The following SYT14 variants were observed in gnomAD, a reference collection of about 807,000 sequenced individuals.
SYT14 encodes the protein synaptotagmin 14.
Under a neutral mutation model 74.2 loss-of-function variants are expected in SYT14, and 32 were observed. That is an observed-to-expected ratio of 0.43 (90% confidence interval 0.33 to 0.58). The LOEUF (loss-of-function observed/expected upper bound fraction) is 0.58. SYT14 is among the 20% of genes least tolerant of loss of function. SYT14 has a pLI of 0.05. For missense variants in SYT14, 791 were observed against 981.8 expected (o/e 0.81, Z 2.60); for synonymous variants, 298 against 337.7 (o/e 0.88, Z 1.29).
At chr1:210,061,286 G>T (rs1032327807) in intron 5 of SYT14, among the ~76,000 whole-genome samples, 1 of 151,898 alleles carries the variant, frequency 6.6e-6, no homozygotes, top group Non-Finnish European at 1.5e-5. Context: ...AATGATGTTC[G>T]TATCTGGAGG....
At chr1:209,997,628 G>T (rs1474968850) in intron 2 of SYT14, among the ~76,000 whole-genome samples, 1 of 151,916 alleles carries the variant, frequency 6.6e-6, no homozygotes, top group African/African-American at 2.4e-5. Flanking sequence ...TCTAAATTTC[G>T]TATGGAACGT....
intron 7 of SYT14, among the ~76,000 whole-genome samples, chr1:210,141,551 G>A (rs1358323254): frequency 1.3e-5 from 2 of 152,178 alleles, no homozygotes; most frequent in African/African-American, 2.4e-5. Flanking sequence ...TAGACTAGTC[G>A]CCCCCATAGT....
chr1:210,023,342 A>T (rs910700269), intron 5 of SYT14, among the ~76,000 whole-genome samples: 7 of 152,092 alleles, frequency 4.6e-5, no homozygotes, highest in African/African-American at 1.2e-4. Context: ...AGAGGAAATT[A>T]AAAAAAGACA....
chr1:209,999,926 A>G (rs1257219823), intron 2 of SYT14, among the ~76,000 whole-genome samples: 4 of 152,210 alleles, frequency 2.6e-5, no homozygotes, highest in African/African-American at 7.2e-5. Context: ...GCACATGGAA[A>G]TGATAAATAC....
intron 8 of SYT14, among the ~76,000 whole-genome samples, chr1:210,156,673 G>C: frequency 7.1e-6 from 1 of 140,374 alleles, no homozygotes; most frequent in African/African-American, 2.6e-5. Context: ...AACTGGGAAA[G>C]TGGCAGCTTC....
chr1:210,036,369 A>G (rs887161998), intron 5 of SYT14, among the ~76,000 whole-genome samples: 2 of 152,014 alleles, frequency 1.3e-5, no homozygotes, highest in African/African-American at 4.8e-5. Flanking sequence ...AGATTATATC[A>G]TCAGCAAATG....
intron 5 of SYT14, among the ~76,000 whole-genome samples, chr1:210,041,600 C>T (rs528327763): frequency 6.6e-6 from 1 of 152,132 alleles, no homozygotes; most frequent in Non-Finnish European, 1.5e-5. Context: ...TAGAACAATT[C>T]GTATACTATA....
At chr1:210,014,015 A>G (rs1192048350) in intron 3 of SYT14, among the ~76,000 whole-genome samples, 1 of 152,156 alleles carries the variant, frequency 6.6e-6, no homozygotes, top group Non-Finnish European at 1.5e-5. Flanking sequence ...CTATGACAAA[A>G]TGACATTTTA....
chr1:210,104,622 T>TC (rs1206390042), intron 7 of SYT14, among the ~76,000 whole-genome samples: 2 of 152,226 alleles, frequency 1.3e-5, no homozygotes, highest in Non-Finnish European at 2.9e-5. Flanking sequence ...ACTATATTAC[T>TC]CTCTAACAGT....
At chr1:209,943,856 A>G (rs1369351219) in intron 1 of SYT14, among the ~76,000 whole-genome samples, 1 of 152,214 alleles carries the variant, frequency 6.6e-6, no homozygotes, top group African/African-American at 2.4e-5. Flanking sequence ...GAGTAAAATG[A>G]TTATATGCAT....
At chr1:210,091,331 A>G (rs912830054) in intron 5 of SYT14, among the ~76,000 whole-genome samples, 5 of 152,226 alleles carry the variant, frequency 3.3e-5, no homozygotes, top group Non-Finnish European at 7.3e-5. Context: ...TATCAAAAGG[A>G]ACCTCAGAAA....
At chr1:210,165,623 G>C (rs907589083) in exon 10 of SYT14, 12 of 152,172 alleles carry the variant, frequency 7.9e-5, no homozygotes, top group Non-Finnish European at 1.5e-4. Context: ...GTCTTCCTCT[G>C]TCCTCTCATT....
rs1404742763 is a variant in SYT14, at chr1:210,000,610, C to CTTTTTTT, written c.-485-13021_-485-13020insTTTTTTT. ...TACTTTCATTAGGGCTGTTTTATGC[C>CTTTTTTT]TTCTTTTTTTTTTTTTTTTTTTGAG... On this transcript the variant is annotated intron_variant, in intron 2 of 9. Transcript: ENST00000637265. Among the ~76,000 whole-genome samples the CTTTTTTT allele has an allele frequency of 4.3e-5, 5 of 115,564 alleles. 1 individual carries two copies. In the East Asian group the frequency reaches 1.1e-3, roughly 26 times the overall value. The allele number at this position is 115,564 out of a possible 152,430, so 75.8% of individuals were successfully genotyped here.
chr1:210,141,135 C>G (rs1170953064), intron 7 of SYT14, among the ~76,000 whole-genome samples: 4 of 150,180 alleles, frequency 2.7e-5, no homozygotes, highest in African/African-American at 9.8e-5. Context: ...ACATTACTGT[C>G]TTAACAATTT....
intron 7 of SYT14, among the ~76,000 whole-genome samples, chr1:210,135,693 A>G (rs1281257055): frequency 6.6e-6 from 1 of 152,086 alleles, no homozygotes; most frequent in Non-Finnish European, 1.5e-5. Context: ...TGGGTGCTAA[A>G]TTATTTTGTT....
At chr1:210,170,910 T>A (rs1484826657) in exon 10 of SYT14, 1 of 152,196 alleles carries the variant, frequency 6.6e-6, no homozygotes, top group Non-Finnish European at 1.5e-5. Context: ...TGCAAACATT[T>A]AAAAATATTC....
At chr1:210,124,275 AAT>A (rs1257447052) in intron 7 of SYT14, among the ~76,000 whole-genome samples, 1 of 152,152 alleles carries the variant, frequency 6.6e-6, no homozygotes, top group African/African-American at 2.4e-5. Context: ...AACTCCAGGA[AAT>A]ATAAAAGGAA....
At position 210,089,773 on chromosome 1, in the gene SYT14, T is replaced by C. The variant is rs1029738525; in HGVS notation, c.1313-4549T>C. 2.6e-5 allele frequency among the ~76,000 whole-genome samples: 4 copies of C among 152,318 alleles called. No individual in the cohort carries two copies. The East Asian group carries it at 5.8e-4, about 22-fold the overall frequency. ...ATGAGTCGTCCAGATTCTTGGTGTT[T>C]TGAACAAAGAATTGGACAAAATGCA... On this transcript the variant is annotated intron_variant, in intron 5 of 9. Transcript: ENST00000637265.
chr1:210,158,094 G>C lies in SYT14; in HGVS notation c.2225-1327G>C, dbSNP rs547829992. Reference sequence around the variant, plus strand: ...TGTGAGACTCAAATCAGATAAAGGTGCATAAAAGAAGGATGGAATTATTAT... The same window carrying C: ...TGTGAGACTCAAATCAGATAAAGGTCCATAAAAGAAGGATGGAATTATTAT... On this transcript the variant is annotated intron_variant, in intron 8 of 9. Coordinates refer to ENST00000637265, the Ensembl canonical transcript of SYT14. 2.6e-5 allele frequency among the ~76,000 whole-genome samples: 4 copies of C among 152,304 alleles called. No homozygotes were observed. The South Asian group carries it at 8.3e-4, about 32-fold the overall frequency.
Sources: allele counts gnomAD v4.1 joint callset (sites outside exome capture counted in the v4.1 genomes callset), GRCh38; gene constraint gnomAD v4.1.1; transcripts MANE v1.5; gene names NCBI Gene and HGNC (gene_info 2026-07-23, HGNC 2026-07-21).